FRMD4B: variants seen among roughly 807,000 people sequenced by gnomAD.
FRMD4B encodes the protein FERM domain containing 4B, also known as FERM domain-containing protein 4B.
FRMD4B carries 74 observed loss-of-function variants against 141.5 expected under a neutral mutation model. The ratio of observed to expected loss-of-function variants is 0.52; its 90% confidence interval spans 0.43 to 0.63. The LOEUF (loss-of-function observed/expected upper bound fraction) is 0.63, where lower values mean the gene tolerates loss of function less well. FRMD4B is among the 30% of genes least tolerant of loss of function. The probability of loss-of-function intolerance (pLI) is 0.00; values close to 1 mark genes in which losing one functional copy is unlikely to be tolerated. For missense variants in FRMD4B, 1,366 were observed against 1,253.4 expected, an observed-to-expected ratio of 1.09 and a Z score of -1.36; for synonymous variants, 506 against 467.9, an observed-to-expected ratio of 1.08 and a Z score of -1.05.
chr3:69,419,899 C>T (rs1384357579), intron 2 of FRMD4B, among the ~76,000 whole-genome samples: 1 of 152,204 alleles, frequency 6.6e-6, no homozygotes, highest in African/African-American at 2.4e-5. Context: ...CCCTGTCGCC[C>T]AGGCTGGAGT....
intron 1 of FRMD4B, among the ~76,000 whole-genome samples, chr3:69,465,256 G>A (rs1307366203): frequency 6.6e-6 from 1 of 151,000 alleles, no homozygotes; most frequent in Non-Finnish European, 1.5e-5. Context: ...GGAGGCCCAG[G>A]TTGCAGTGAG....
At position 69,301,930 on chromosome 3, in the gene FRMD4B, T is replaced by TGATGCC. The variant is rs1419613052; in HGVS notation, c.416+412_416+413insGGCATC. Reference sequence around the variant, plus strand: ...TCAAATTGTACAGAATTCAATTATTTTTAAGTCTGTAGAAAACATTATTGC... The same window carrying TGATGCC: ...TCAAATTGTACAGAATTCAATTATTTGATGCCTTAAGTCTGTAGAAAACATTATTGC... On this transcript the variant is annotated intron_variant, in intron 4 of 22. Transcript: ENST00000398540. 2.0e-5 allele frequency among the ~76,000 whole-genome samples: 3 copies of TGATGCC among 152,356 alleles called. No individual in the cohort carries two copies. In the East Asian group the frequency reaches 5.8e-4, roughly 29 times the overall value.
chr3:69,321,901 T>A (rs1161750240), intron 1 of FRMD4B, among the ~76,000 whole-genome samples: 1 of 152,032 alleles, frequency 6.6e-6, no homozygotes, highest in African/African-American at 2.4e-5. Context: ...CAGATGGAGA[T>A]CTCACTATGT....
intron 1 of FRMD4B, among the ~76,000 whole-genome samples, chr3:69,456,753 A>G (rs1341811535): frequency 6.6e-6 from 1 of 150,752 alleles, no homozygotes; most frequent in Non-Finnish European, 1.5e-5. Flanking sequence ...AAAAAAAAGC[A>G]TATGTCTGTA....
At chr3:69,400,254 G>T (rs1175925229) in intron 2 of FRMD4B, among the ~76,000 whole-genome samples, 3 of 151,914 alleles carry the variant, frequency 2.0e-5, no homozygotes, top group African/African-American at 7.3e-5. Flanking sequence ...GGGCATGGTG[G>T]CTCATGACTA....
intron 7 of FRMD4B, among the ~76,000 whole-genome samples, chr3:69,234,912 G>C (rs995346272): frequency 1.3e-5 from 2 of 152,098 alleles, no homozygotes; most frequent in African/African-American, 4.8e-5. Context: ...ACTTTGGGAG[G>C]CTGAGGCGGG....
intron 1 of FRMD4B, among the ~76,000 whole-genome samples, chr3:69,468,712 T>C (rs544463350): frequency 6.6e-5 from 10 of 152,324 alleles, no homozygotes; most frequent in East Asian, 1.9e-4. Context: ...AGTCTGAAGA[T>C]GAAGCTATTA....
intron 1 of FRMD4B, among the ~76,000 whole-genome samples, chr3:69,368,178 C>T (rs946406339): frequency 1.1e-4 from 16 of 152,154 alleles, no homozygotes; most frequent in Admixed American, 5.2e-4. Flanking sequence ...GACAACATCA[C>T]GAGATATCAT....
chr3:69,393,567 A>T (rs1704424796), intron 2 of FRMD4B, among the ~76,000 whole-genome samples: 1 of 152,182 alleles, frequency 6.6e-6, no homozygotes, highest in South Asian at 2.1e-4. Context: ...CTGACCTCCC[A>T]CCTCCAGAAT....
upstream of FRMD4B, among the ~76,000 whole-genome samples, chr3:69,389,774 C>T (rs1381143767): frequency 6.6e-6 from 1 of 152,194 alleles, no homozygotes; most frequent in Non-Finnish European, 1.5e-5. Context: ...CCAAGTATGG[C>T]ATCATCCTTA....
chr3:69,532,290 C>CACTTTT (rs1701019091), intron 1 of FRMD4B, among the ~76,000 whole-genome samples: 1 of 152,118 alleles, frequency 6.6e-6, no homozygotes, highest in African/African-American at 2.4e-5. Context: ...CAACAAATAC[C>CACTTTT]ACTTTTACTG....
intron 1 of FRMD4B, among the ~76,000 whole-genome samples, chr3:69,326,461 C>G (rs928510725): frequency 1.3e-5 from 2 of 152,210 alleles, no homozygotes; most frequent in Non-Finnish European, 2.9e-5. Flanking sequence ...TAAACTCTAA[C>G]ACCTTATCTG....
intron 7 of FRMD4B, among the ~76,000 whole-genome samples, chr3:69,226,079 C>T (rs1429875894): frequency 6.6e-6 from 1 of 152,136 alleles, no homozygotes; most frequent in Non-Finnish European, 1.5e-5. Context: ...GTAGACGAGC[C>T]CCCCAGCTGG....
At chr3:69,486,147 G>A (rs183371453) in intron 1 of FRMD4B, among the ~76,000 whole-genome samples, 23 of 152,344 alleles carry the variant, frequency 1.5e-4, no homozygotes, top group African/African-American at 5.3e-4. Context: ...TCCCAAGTTG[G>A]CTGGAAGTCT....
intron 9 of FRMD4B, among the ~76,000 whole-genome samples, chr3:69,221,613 A>G (rs940029035): frequency 2.0e-5 from 3 of 152,182 alleles, no homozygotes; most frequent in Admixed American, 2.0e-4. Flanking sequence ...CACAGTCCCC[A>G]CCATTCTCTA....
chr3:69,219,586 G>A (rs7616440), intron 9 of FRMD4B, among the ~76,000 whole-genome samples: 1 of 151,960 alleles, frequency 6.6e-6, no homozygotes, highest in South Asian at 2.1e-4. Flanking sequence ...GAAAGAATAA[G>A]ACTCTGCATT....
chr3:69,328,207 C>T (rs769283964), intron 1 of FRMD4B, among the ~76,000 whole-genome samples: 17 of 152,052 alleles, frequency 1.1e-4, no homozygotes, highest in African/African-American at 2.7e-4. Flanking sequence ...TGAAATAAAT[C>T]GCATTAAAAG....
At chr3:69,198,211 GC>G (rs1473837535) in intron 12 of FRMD4B, 2 of 146,270 alleles carry the variant, frequency 1.4e-5, no homozygotes, top group East Asian at 4.4e-4. Flanking sequence ...TGGTAATTTG[GC>G]TTTTTTTTTT....
At chr3:69,179,539 C>G (rs1206022966) in intron 21 of FRMD4B, among the ~76,000 whole-genome samples, 1 of 152,178 alleles carries the variant, frequency 6.6e-6, no homozygotes, top group East Asian at 1.9e-4. Context: ...AGTGGAAGTC[C>G]AAAGTCCTGC....
Sources: allele counts gnomAD v4.1 joint callset (sites outside exome capture counted in the v4.1 genomes callset), GRCh38; gene constraint gnomAD v4.1.1; transcripts MANE v1.5; gene names NCBI Gene and HGNC (gene_info 2026-07-23, HGNC 2026-07-21).